The following PDE7B variants were observed in gnomAD, a reference collection of about 807,000 sequenced individuals.
The protein encoded by PDE7B is phosphodiesterase 7B.
PDE7B carries 29 observed loss-of-function variants against 56.2 expected under a neutral mutation model. The observed-to-expected ratio is 0.52, with a 90% CI of 0.38 to 0.70. The LOEUF is 0.70. Among genes scored for constraint, PDE7B ranks in the 30% least tolerant of loss-of-function variants. The pLI is 0.00. For missense variants in PDE7B, 490 were observed against 565.0 expected (o/e 0.87, Z 1.35); for synonymous variants, 197 against 196.9 (o/e 1.00, Z 0.00).
chr6:136,159,660 A>G (rs1483832936), intron 8 of PDE7B, among the ~76,000 whole-genome samples: 2 of 152,178 alleles, frequency 1.3e-5, no homozygotes, highest in Non-Finnish European at 2.9e-5. Context: ...ATTATCTCCT[A>G]AAGTCTTGCA....
intron 3 of PDE7B, among the ~76,000 whole-genome samples, chr6:136,119,593 A>C (rs1339739831): frequency 6.6e-6 from 1 of 152,174 alleles, no homozygotes; most frequent in Non-Finnish European, 1.5e-5. Flanking sequence ...TTTAAAGTGA[A>C]ATTTATTCCA....
At chr6:135,908,622 ACACATTAGAGTACAATAC>A (rs1224329505) in intron 1 of PDE7B, among the ~76,000 whole-genome samples, 1 of 152,214 alleles carries the variant, frequency 6.6e-6, no homozygotes, top group Non-Finnish European at 1.5e-5. Flanking sequence ...TATTATATTC[ACACATTAGAGTACAATAC>A]CACAGGCAAA....
chr6:136,148,824 A>T (rs1301729305), intron 4 of PDE7B, among the ~76,000 whole-genome samples: 2 of 152,168 alleles, frequency 1.3e-5, no homozygotes, highest in African/African-American at 4.8e-5. Flanking sequence ...ATATTGTGTG[A>T]GTTAGGTAAA....
intron 1 of PDE7B, among the ~76,000 whole-genome samples, chr6:135,865,833 TTAA>T (rs1273221803): frequency 2.0e-5 from 3 of 152,302 alleles, no homozygotes; most frequent in South Asian, 4.1e-4. Context: ...TGGTTGGCAC[TTAA>T]TAAGAAGTCT....
chr6:136,100,718 A>G (rs1157996366), intron 2 of PDE7B, among the ~76,000 whole-genome samples: 1 of 152,184 alleles, frequency 6.6e-6, no homozygotes, highest in Non-Finnish European at 1.5e-5. Context: ...CTGCAAACAG[A>G]GACAATTTGA....
intron 3 of PDE7B, among the ~76,000 whole-genome samples, chr6:136,135,947 A>G (rs1310421011): frequency 6.6e-6 from 1 of 152,130 alleles, no homozygotes; most frequent in African/African-American, 2.4e-5. Flanking sequence ...TTCTACACAC[A>G]ACCTCTTTAA....
intron 3 of PDE7B, among the ~76,000 whole-genome samples, chr6:136,137,717 C>G (rs1583901728): frequency 6.6e-6 from 1 of 152,032 alleles, no homozygotes; most frequent in East Asian, 1.9e-4. Flanking sequence ...TATACAGAGA[C>G]TATTCCATAA....
intron 2 of PDE7B, chr6:136,071,379 A>G (rs1269590561): frequency 6.6e-6 from 1 of 152,196 alleles, no homozygotes; most frequent in Admixed American, 6.6e-5. Flanking sequence ...TCTGTAGCCA[A>G]CCTCAGCCTT....
chr6:135,895,139 AAGG>A (rs1003665597), intron 1 of PDE7B, among the ~76,000 whole-genome samples: 8 of 152,156 alleles, frequency 5.3e-5, no homozygotes, highest in South Asian at 4.1e-4. Flanking sequence ...ATAAAAAAAA[AAGG>A]AGTTAGATAC....
chr6:136,168,375 G>A (rs995497804), intron 8 of PDE7B, among the ~76,000 whole-genome samples: 10 of 152,132 alleles, frequency 6.6e-5, no homozygotes, highest in African/African-American at 2.2e-4. Flanking sequence ...ACAGGGAACT[G>A]GGGCAGGTGG....
intron 2 of PDE7B, among the ~76,000 whole-genome samples, chr6:136,053,803 T>A (rs1377999609): frequency 6.6e-6 from 1 of 152,202 alleles, no homozygotes; most frequent in Non-Finnish European, 1.5e-5. Flanking sequence ...ATTTCTCTGA[T>A]GGCCAGTGAT....
At chr6:136,181,118 C>T in intron 10 of PDE7B, 109 bp from the exon 11 acceptor site, 1 of 756,876 alleles carries the variant, frequency 1.3e-6, no homozygotes. Context: ...TAAATATGGG[C>T]CTGGTACTGT....
intron 2 of PDE7B, among the ~76,000 whole-genome samples, chr6:136,040,230 C>T (rs1485224859): frequency 2.0e-5 from 3 of 152,174 alleles, no homozygotes; most frequent in Non-Finnish European, 2.9e-5. Context: ...GTTGAGGTTG[C>T]CTGCCTGTGT....
chr6:136,017,054 G>A (rs991434903), intron 2 of PDE7B, among the ~76,000 whole-genome samples: 3 of 152,190 alleles, frequency 2.0e-5, no homozygotes, highest in Admixed American at 6.5e-5. Context: ...TTTGAAAGCC[G>A]TAGTAGCCTG....
intron 2 of PDE7B, among the ~76,000 whole-genome samples, chr6:136,060,028 A>C (rs1776811284): frequency 6.6e-6 from 1 of 152,232 alleles, no homozygotes; most frequent in African/African-American, 2.4e-5. Flanking sequence ...GAACTAAGTA[A>C]AATTCAAACC....
At chr6:136,060,779 T>G (rs1440685433) in intron 2 of PDE7B, among the ~76,000 whole-genome samples, 1 of 152,192 alleles carries the variant, frequency 6.6e-6, no homozygotes, top group Non-Finnish European at 1.5e-5. Context: ...CAAGGTTATA[T>G]CACTATGTGA....
At chr6:136,091,593 T>G (rs1446336428) in intron 2 of PDE7B, among the ~76,000 whole-genome samples, 1 of 152,248 alleles carries the variant, frequency 6.6e-6, no homozygotes, top group African/African-American at 2.4e-5. Context: ...TGAACATTGA[T>G]TCTATGAAGT....
intron 1 of PDE7B, among the ~76,000 whole-genome samples, chr6:135,908,060 A>G (rs142875521): frequency 7.2e-5 from 11 of 151,926 alleles, no homozygotes; most frequent in African/African-American, 1.7e-4. Context: ...GTGGAGTATT[A>G]TGAAGAAACA....
intron 1 of PDE7B, among the ~76,000 whole-genome samples, chr6:135,934,497 C>G: frequency 6.6e-6 from 1 of 151,524 alleles, no homozygotes; most frequent in South Asian, 2.1e-4. Flanking sequence ...GAGGCCAAGG[C>G]AGGCGGATCA....
Sources: gnomAD v4.1 joint callset for allele counts (sites outside exome capture counted in the v4.1 genomes callset) on GRCh38, gnomAD v4.1.1 for gene constraint, MANE v1.5 for transcripts, NCBI Gene and HGNC (gene_info 2026-07-23, HGNC 2026-07-21) for gene names.